The following MKLN1 variants were observed in gnomAD, a reference collection of about 807,000 sequenced individuals.
MKLN1 encodes the protein muskelin 1, also known as muskelin.
In MKLN1, 18 loss-of-function variants were observed where a neutral mutation model predicts 99.0. The observed-to-expected ratio is 0.18, with a 90% CI of 0.13 to 0.27. The LOEUF (loss-of-function observed/expected upper bound fraction) is 0.27, where lower values mean the gene tolerates loss of function less well. Ranked by LOEUF, MKLN1 falls within the 10% of genes least tolerant of loss-of-function variation. The pLI is 1.00. For missense variants in MKLN1, 621 were observed against 875.9 expected, an observed-to-expected ratio of 0.71 and a Z score of 3.67; for synonymous variants, 288 against 293.2, an observed-to-expected ratio of 0.98 and a Z score of 0.18.
At position 131,327,911 on chromosome 7, in the gene MKLN1, C is replaced by T. The variant is rs776330758; in HGVS notation, c.12C>T (p.Gly4=). 2.5e-6 allele frequency: 4 copies of T among 1,611,192 alleles called. No individual in the cohort carries two copies. The highest frequency in any genetic ancestry group is 1.1e-5 in the South Asian group (1 of 91,066). MAA[G]GAVAAAPECR... Reference sequence around the variant, plus strand: ...ACGGTGCTGACAAGATGGCGGCTGGCGGAGCTGTCGCTGCGGCGCCCGAGT... The same window carrying T: ...ACGGTGCTGACAAGATGGCGGCTGGTGGAGCTGTCGCTGCGGCGCCCGAGT... The change falls in exon 1 of 18, where the codon GGC becomes GGT. Residue 4 remains glycine (G), a synonymous_variant. Coordinates refer to ENST00000352689, the MANE Select transcript of MKLN1 (RefSeq NM_013255.5).
chr7:131,462,824 T>G (rs1796555631), intron 12 of MKLN1, among the ~76,000 whole-genome samples: 1 of 152,146 alleles, frequency 6.6e-6, no homozygotes, highest in Admixed American at 6.5e-5. Context: ...ATTGATCTTT[T>G]CAAGAGAAAC....
Position 131,476,467 on chromosome 7 carries a change from G to GA in MKLN1, c.2032-2147dup, listed in dbSNP as rs879611778. 7.6e-4 allele frequency among the ~76,000 whole-genome samples: 113 copies of GA among 149,404 alleles called. 1 individual carries two copies. The highest frequency in any genetic ancestry group is 2.2e-3 in the Admixed American group (33 of 15,088). On this transcript the variant is annotated intron_variant, in intron 16 of 17. Transcript: ENST00000352689. ...AGATTACAAAAATACAAGGTCAATA[G>GA]AAAAAAAAAGCAATTATTAGCAATT...
chr7:131,133,273 A>G (rs1267664831), intron 1 of MKLN1, among the ~76,000 whole-genome samples: 1 of 149,674 alleles, frequency 6.7e-6, no homozygotes, highest in Non-Finnish European at 1.5e-5. Flanking sequence ...TTCAAAGACG[A>G]GTCTTCACTC....
At chr7:131,318,047 T>C (rs1264030377) in intron 3 of MKLN1, among the ~76,000 whole-genome samples, 1 of 152,134 alleles carries the variant, frequency 6.6e-6, no homozygotes, top group East Asian at 1.9e-4. Context: ...ATTAGACAGA[T>C]CAACAAGACA....
intron 3 of MKLN1, among the ~76,000 whole-genome samples, chr7:131,239,615 G>T (rs1797372299): frequency 6.6e-6 from 1 of 152,122 alleles, no homozygotes; most frequent in Non-Finnish European, 1.5e-5. Context: ...ACCACACCCA[G>T]CCCTCATTTT....
chr7:131,414,705 A>C lies in MKLN1; in HGVS notation c.842A>C (p.Gln281Pro), dbSNP rs1475394513. ...RGGHQMVIDVQTETVYLFGGW... is the reference protein window; with the variant it reads ...RGGHQMVIDVPTETVYLFGGW... The stretch of plus-strand genomic sequence containing the variant: ...GGCCATCAGATGGTTATTGATGTTC[A>C]AACAGGTGAGTAGCAGTTGCAGTGG... Residue 281 changes from glutamine (Q) to proline (P), a missense_variant, in exon 8 of 18, where the codon CAA (glutamine) becomes CCA (proline). Coordinates refer to ENST00000352689, the MANE Select transcript of MKLN1 (RefSeq NM_013255.5). 1 of 1,599,874 alleles carries C rather than the reference A, an allele frequency of 6.3e-7. No individual in the cohort carries two copies. The highest frequency in any genetic ancestry group is 1.4e-5 in the African/African-American group (1 of 73,070).
chr7:131,246,311 CT>C (rs1797488362), intron 3 of MKLN1, among the ~76,000 whole-genome samples: 1 of 152,146 alleles, frequency 6.6e-6, no homozygotes, highest in Non-Finnish European at 1.5e-5. Flanking sequence ...ACTTGGCTTT[CT>C]TGTGTCTTCA....
Position 131,494,994 on chromosome 7 carries a change from A to G in MKLN1, c.*7266A>G, listed in dbSNP as rs1797518789. 1 of 152,214 alleles carries G rather than the reference A, an allele frequency of 6.6e-6. No homozygotes were observed. Among genetic ancestry groups the G allele is most frequent in the South Asian group, 2.1e-4 (1 of 4,834 alleles). 9.4% of individuals were successfully genotyped at this position (152,214 alleles called of 1,614,324 possible). The stretch of plus-strand genomic sequence containing the variant: ...TTATCTTGCTCCCACTCCAAAAGCT[A>G]TGTACAGTTGAGTTATTAGCCTCAG... On this transcript the variant is annotated 3_prime_UTR_variant, in exon 18 of 18. Transcript: ENST00000352689.
At chr7:131,176,929 G>A (rs1191101144) in intron 2 of MKLN1, among the ~76,000 whole-genome samples, 2 of 152,138 alleles carry the variant, frequency 1.3e-5, no homozygotes, top group East Asian at 1.9e-4. Flanking sequence ...GCTTCATATA[G>A]GTAAATGGGC....
chr7:131,476,215 A>T (rs1314080538), intron 16 of MKLN1, among the ~76,000 whole-genome samples: 2 of 152,154 alleles, frequency 1.3e-5, no homozygotes, highest in African/African-American at 4.8e-5. Context: ...TAAACATTTA[A>T]CCCTTTTCCC....
chr7:131,217,697 C>CA (rs1797004324), intron 3 of MKLN1, among the ~76,000 whole-genome samples: 1 of 152,026 alleles, frequency 6.6e-6, no homozygotes. Flanking sequence ...AACTCTGTCT[C>CA]AAAAAACAAA....
intron 3 of MKLN1, among the ~76,000 whole-genome samples, chr7:131,230,227 G>A (rs1797221807): frequency 6.6e-6 from 1 of 152,068 alleles, no homozygotes; most frequent in South Asian, 2.1e-4. Context: ...ATTAATATGG[G>A]TCAGTTGTGC....
At chr7:131,362,618 C>A (rs532119648) in intron 1 of MKLN1, among the ~76,000 whole-genome samples, 1 of 151,954 alleles carries the variant, frequency 6.6e-6, no homozygotes, top group African/African-American at 2.4e-5. Context: ...ATTTTTTTGT[C>A]GAGTCCAATT....
At chr7:131,227,227 T>C (rs1157782897) in intron 3 of MKLN1, among the ~76,000 whole-genome samples, 3 of 152,234 alleles carry the variant, frequency 2.0e-5, no homozygotes, top group Non-Finnish European at 4.4e-5. Flanking sequence ...CAGGGTTCTA[T>C]GAAACCTTCC....
At position 131,399,348 on chromosome 7, in the gene MKLN1, T is replaced by C; in HGVS notation, c.618T>C (p.His206=). Residue 206 remains histidine, a synonymous_variant, in exon 6 of 18, where the codon CAT becomes CAC. Coordinates refer to ENST00000352689, the MANE Select transcript of MKLN1 (RefSeq NM_013255.5). ...AGAAAACCAAGATTGCACTGGAACA[T>C]CCCATGTTAACAGATATTCATGACA... ...LQKKTKIALE[H]PMLTDIHDKL... 1 of 1,614,022 alleles carries C rather than the reference T, an allele frequency of 6.2e-7. No homozygotes were observed. The highest frequency in any genetic ancestry group is 1.7e-5 in the Admixed American group (1 of 60,014).
Position 131,470,834 on chromosome 7 carries a change from T to A in MKLN1, c.1929-8T>A, listed in dbSNP as rs1796800602. The stretch of plus-strand genomic sequence containing the variant: ...CTCCAGATAATTATCCTTGTGTACA[T>A]TTTCTAGGTTTGAAGAAAAGGCCCA... On this transcript the variant is annotated splice_region_variant and splice_polypyrimidine_tract_variant and intron_variant, in intron 15 of 17. Coordinates refer to ENST00000352689, the MANE Select transcript of MKLN1 (RefSeq NM_013255.5). 1.3e-6 allele frequency: 2 copies of A among 1,552,262 alleles called. No homozygotes were observed. The highest frequency in any genetic ancestry group is 1.8e-6 in the Non-Finnish European group (2 of 1,126,082).
At chr7:131,166,772 G>A (rs867730451) in intron 2 of MKLN1, among the ~76,000 whole-genome samples, 3 of 152,060 alleles carry the variant, frequency 2.0e-5, no homozygotes, top group Non-Finnish European at 2.9e-5. Flanking sequence ...TGCAACCTCC[G>A]TCTCCTGGGT....
intron 16 of MKLN1, 67 bp from the exon 17 acceptor site, chr7:131,478,556 A>C: frequency 7.1e-7 from 1 of 1,402,854 alleles, no homozygotes; most frequent in Non-Finnish European, 9.2e-7. Flanking sequence ...ATAGAAGGCT[A>C]TTTTCCTTCA....
intron 2 of MKLN1, among the ~76,000 whole-genome samples, chr7:131,155,946 T>C (rs1351685238): frequency 6.6e-6 from 1 of 152,200 alleles, no homozygotes; most frequent in Non-Finnish European, 1.5e-5. Context: ...AAAATTTGAT[T>C]ATGTCACTTT....
Sources: allele counts gnomAD v4.1 joint callset (sites outside exome capture counted in the v4.1 genomes callset), GRCh38; gene constraint gnomAD v4.1.1; transcripts MANE v1.5; gene names NCBI Gene and HGNC (gene_info 2026-07-23, HGNC 2026-07-21).